STIM2: variants seen among roughly 807,000 people sequenced by gnomAD.
STIM2 encodes stromal interaction molecule 2.
STIM2 carries 31 observed loss-of-function variants against 85.8 expected under a neutral mutation model. The observed-to-expected ratio is 0.36, with a 90% CI of 0.27 to 0.49. The LOEUF is 0.49. Ranked by LOEUF, STIM2 falls within the 20% of genes least tolerant of loss-of-function variation. The probability of loss-of-function intolerance (pLI) is 0.98; values close to 1 mark genes in which losing one functional copy is unlikely to be tolerated. For missense variants in STIM2, 841 were observed against 927.6 expected (o/e 0.91, Z 1.21); for synonymous variants, 356 against 331.1 (o/e 1.08, Z -0.82).
intron 1 of STIM2, chr4:26,874,067 A>G: frequency 1.6e-6 from 1 of 642,816 alleles, no homozygotes; most frequent in Non-Finnish European, 3.0e-6. Context: ...GGGACTTGGC[A>G]CCTGAGGTAC....
chr4:26,993,782 A>G (rs995494139), intron 3 of STIM2, among the ~76,000 whole-genome samples: 3 of 152,134 alleles, frequency 2.0e-5, no homozygotes, highest in Non-Finnish European at 2.9e-5. Flanking sequence ...GCTTGTTTAT[A>G]TCTTTACTGT....
At chr4:26,947,079 A>G (rs1172060238) in intron 2 of STIM2, among the ~76,000 whole-genome samples, 2 of 152,150 alleles carry the variant, frequency 1.3e-5, no homozygotes, top group Non-Finnish European at 2.9e-5. Flanking sequence ...AGGCTCAGTG[A>G]TGTGTAGGTC....
chr4:26,880,670 AATAT>A (rs1189174800), intron 1 of STIM2, among the ~76,000 whole-genome samples: 3 of 146,044 alleles, frequency 2.1e-5, no homozygotes, highest in Non-Finnish European at 3.0e-5. Flanking sequence ...TATATATGTA[AATAT>A]ATATGTAAAT....
intron 3 of STIM2, among the ~76,000 whole-genome samples, chr4:26,985,751 A>C (rs561978225): frequency 3.3e-5 from 5 of 152,306 alleles, no homozygotes. Context: ...CCTAAAATGC[A>C]TTAATTTTCC....
intron 1 of STIM2, among the ~76,000 whole-genome samples, chr4:26,907,167 T>C (rs953593175): frequency 6.6e-6 from 1 of 152,172 alleles, no homozygotes. Flanking sequence ...AATTAAATTA[T>C]TTCATTATTT....
At chr4:26,973,760 G>C (rs958881098) in intron 3 of STIM2, among the ~76,000 whole-genome samples, 2 of 152,152 alleles carry the variant, frequency 1.3e-5, no homozygotes, top group Admixed American at 6.5e-5. Flanking sequence ...AGGTCCGCTT[G>C]GTGCAGAGCT....
At chr4:27,021,026 A>G in intron 11 of STIM2, 2 of 1,536,990 alleles carry the variant, frequency 1.3e-6, no homozygotes, top group Non-Finnish European at 1.7e-6. Context: ...CGGTGCGTGC[A>G]AAAGTGAATG....
At chr4:26,874,552 A>G (rs1372647381) in intron 1 of STIM2, among the ~76,000 whole-genome samples, 5 of 152,148 alleles carry the variant, frequency 3.3e-5, no homozygotes, top group African/African-American at 1.2e-4. Flanking sequence ...TATATTACTC[A>G]TTTTGCTTAA....
chr4:26,936,821 G>A (rs1308064184), intron 2 of STIM2, among the ~76,000 whole-genome samples: 1 of 152,038 alleles, frequency 6.6e-6, no homozygotes, highest in African/African-American at 2.4e-5. Context: ...ACAGCATGTC[G>A]CTCTGTCACC....
At chr4:27,015,514 C>A (rs1313747022) in intron 10 of STIM2, among the ~76,000 whole-genome samples, 4 of 151,712 alleles carry the variant, frequency 2.6e-5, no homozygotes, top group African/African-American at 4.8e-5. Context: ...ATGATAAATT[C>A]TCTTAGTCTT....
At chr4:27,015,443 CT>C (rs1204315067) in intron 10 of STIM2, among the ~76,000 whole-genome samples, 2 of 151,062 alleles carry the variant, frequency 1.3e-5, no homozygotes, top group Non-Finnish European at 3.0e-5. Context: ...TTATTCATTT[CT>C]TTTTTTTCTT....
At chr4:26,997,802 C>T (rs1453541550) in intron 4 of STIM2, among the ~76,000 whole-genome samples, 1 of 152,148 alleles carries the variant, frequency 6.6e-6, no homozygotes, top group East Asian at 1.9e-4. Flanking sequence ...AAGCATTATA[C>T]GAAAGTACCT....
chr4:26,974,452 G>C (rs1186666755), intron 3 of STIM2, among the ~76,000 whole-genome samples: 1 of 152,154 alleles, frequency 6.6e-6, no homozygotes, highest in Non-Finnish European at 1.5e-5. Context: ...GAATCTCTCA[G>C]CATTTGCTTG....
rs565401398 is a variant in STIM2 at position 26,931,609 on chromosome 4, C to CT, written c.282+11976dup. On this transcript the variant is annotated intron_variant, in intron 2 of 11. Transcript: ENST00000467087. The stretch of plus-strand genomic sequence containing the variant: ...TAGAGCTTTGCAGTGAATGGTGACT[C>CT]TAATTACATGCACAAATGTACCAGT... 1.9e-3 allele frequency among the ~76,000 whole-genome samples: 284 copies of CT among 152,232 alleles called. 1 individual carries two copies. The highest frequency in any genetic ancestry group is 6.6e-3 in the African/African-American group (274 of 41,540).
chr4:26,962,598 G>GTA (rs1395472164), intron 3 of STIM2, among the ~76,000 whole-genome samples: 2 of 110,850 alleles, frequency 1.8e-5, no homozygotes, highest in African/African-American at 3.4e-5. Flanking sequence ...GTGTGTGTGT[G>GTA]TGTATGTGTG....
At chr4:26,931,396 T>C (rs1347160102) in intron 2 of STIM2, among the ~76,000 whole-genome samples, 1 of 152,142 alleles carries the variant, frequency 6.6e-6, no homozygotes, top group Non-Finnish European at 1.5e-5. Context: ...TTTGATAATT[T>C]ACTAACTAGA....
intron 3 of STIM2, among the ~76,000 whole-genome samples, chr4:26,991,651 T>G (rs185777574): frequency 3.6e-4 from 55 of 152,244 alleles, no homozygotes; most frequent in African/African-American, 1.3e-3. Flanking sequence ...TCATCACACA[T>G]TGTATACGTG....
At chr4:26,951,299 G>T (rs1242550982) in intron 2 of STIM2, among the ~76,000 whole-genome samples, 1 of 152,060 alleles carries the variant, frequency 6.6e-6, no homozygotes, top group African/African-American at 2.4e-5. Context: ...CCCTGCAAAG[G>T]TTACACTAGT....
At chr4:26,970,193 GTGTGTGTATATATATATATATATATATA>G (rs1292887214) in intron 3 of STIM2, among the ~76,000 whole-genome samples, 1 of 82,798 alleles carries the variant, frequency 1.2e-5, no homozygotes, top group Non-Finnish European at 2.3e-5. Context: ...CGGTTTTAGT[GTGTGTGTATATATATATATATATATATA>G]TGTATATATA....
Sources: gnomAD v4.1 joint callset for allele counts (sites outside exome capture counted in the v4.1 genomes callset) on GRCh38, gnomAD v4.1.1 for gene constraint, MANE v1.5 for transcripts, NCBI Gene and HGNC (gene_info 2026-07-23, HGNC 2026-07-21) for gene names.